The following SEMA6A variants were observed in gnomAD, a reference collection of about 807,000 sequenced individuals.
SEMA6A encodes semaphorin-6A.
Under a neutral mutation model 96.8 loss-of-function variants are expected in SEMA6A, and 25 were observed. The ratio of observed to expected loss-of-function variants is 0.26; its 90% CI spans 0.19 to 0.36. The LOEUF is 0.36. Ranked by LOEUF, SEMA6A falls within the 10% of genes least tolerant of loss-of-function variation. SEMA6A has a pLI of 1.00. For missense variants in SEMA6A, 1,363 were observed against 1,323.1 expected (o/e 1.03, Z -0.47); for synonymous variants, 612 against 518.0 (o/e 1.18, Z -2.46).
chr5:116,503,453 G>A (rs755095421), intron 2 of SEMA6A, among the ~76,000 whole-genome samples: 37 of 151,788 alleles, frequency 2.4e-4, no homozygotes, highest in Non-Finnish European at 4.6e-4. Context: ...ATGTCTCTAC[G>A]ATCATGGATT....
chr5:116,505,390 A>G (rs1362141656), intron 1 of SEMA6A, among the ~76,000 whole-genome samples: 3 of 151,998 alleles, frequency 2.0e-5, no homozygotes, highest in African/African-American at 4.8e-5. Context: ...AATACCTGCC[A>G]TACTGACCTA....
intron 1 of SEMA6A, among the ~76,000 whole-genome samples, chr5:116,569,214 G>A (rs1761118604): frequency 6.6e-6 from 1 of 152,134 alleles, no homozygotes; most frequent in African/African-American, 2.4e-5. Context: ...TAAATAAGGG[G>A]ATCAAAAGGC....
At chr5:116,491,618 T>G (rs1757328789) in intron 7 of SEMA6A, 122 bp downstream of exon 7, 9 of 723,642 alleles carry the variant, frequency 1.2e-5, no homozygotes, top group South Asian at 1.2e-4. Context: ...GCATTCTTAA[T>G]TACAGTATTC....
At chr5:116,454,064 G>A (rs769510682) in intron 18 of SEMA6A, among the ~76,000 whole-genome samples, 14 of 152,072 alleles carry the variant, frequency 9.2e-5, no homozygotes, top group Non-Finnish European at 1.6e-4. Context: ...TGGACGGCCC[G>A]TTTCTGAGCT....
At chr5:116,573,886 G>A (rs1580534440) in intron 1 of SEMA6A, among the ~76,000 whole-genome samples, 1 of 152,156 alleles carries the variant, frequency 6.6e-6, no homozygotes, top group South Asian at 2.1e-4. Flanking sequence ...ACACCCCCAG[G>A]AGGAACAGCC....
At chr5:116,502,961 TCAAA>T (rs1476079070) in intron 2 of SEMA6A, among the ~76,000 whole-genome samples, 1 of 152,208 alleles carries the variant, frequency 6.6e-6, no homozygotes. Flanking sequence ...CAGGACAGGG[TCAAA>T]CTGAGTGTAG....
chr5:116,563,823 C>A (rs939701705), intron 1 of SEMA6A, among the ~76,000 whole-genome samples: 7 of 152,168 alleles, frequency 4.6e-5, no homozygotes, highest in Non-Finnish European at 8.8e-5. Flanking sequence ...GTAAAATGAA[C>A]AGAACCTATT....
intron 1 of SEMA6A, chr5:116,508,126 T>C (rs1015113389): frequency 1.3e-5 from 2 of 152,206 alleles, no homozygotes; most frequent in Non-Finnish European, 2.9e-5. Flanking sequence ...AAATGAACCA[T>C]GCAGAATGCT....
At chr5:116,479,482 A>T (rs984965346) in intron 12 of SEMA6A, among the ~76,000 whole-genome samples, 2 of 152,258 alleles carry the variant, frequency 1.3e-5, no homozygotes, top group Non-Finnish European at 2.9e-5. Context: ...AAGTCATAGT[A>T]TAAAAATAGT....
chr5:116,485,819 C>T (rs766639344), intron 10 of SEMA6A, among the ~76,000 whole-genome samples: 1 of 152,176 alleles, frequency 6.6e-6, no homozygotes, highest in Non-Finnish European at 1.5e-5. Flanking sequence ...TTAGATTTCA[C>T]GACCATGCAC....
rs1188947898 is a variant in SEMA6A at position 116,445,937 on chromosome 5, A to C, written c.*676T>G. 1.3e-5 allele frequency: 2 copies of C among 152,674 alleles called. No homozygotes were observed. The highest frequency in any genetic ancestry group is 1.3e-4 in the Admixed American group (2 of 15,286). The allele number at this position is 152,674 out of a possible 1,614,324, so 9.5% of individuals were successfully genotyped here. A position where few individuals can be genotyped will look rare whatever the true frequency, so the allele number is the denominator to read the frequency against. On this transcript the variant is annotated 3_prime_UTR_variant, in exon 19 of 19. Transcript: ENST00000343348. Reference sequence around the variant, plus strand: ...TAAAGAGTTACTTGCGTTAACGGTCACGTTATTTCATTAAAAGAGAGGAGG... The same window carrying C: ...TAAAGAGTTACTTGCGTTAACGGTCCCGTTATTTCATTAAAAGAGAGGAGG...
At chr5:116,516,998 C>T (rs1580463713) in intron 1 of SEMA6A, among the ~76,000 whole-genome samples, 1 of 152,120 alleles carries the variant, frequency 6.6e-6, no homozygotes, top group Non-Finnish European at 1.5e-5. Flanking sequence ...TTTGCTATCC[C>T]CTGTTTCTCT....
chr5:116,446,456 A>T lies in SEMA6A; in HGVS notation c.*157T>A, dbSNP rs878932484. 11 of 588,850 alleles carry T rather than the reference A, an allele frequency of 1.9e-5. No individual in the cohort carries two copies. The South Asian group carries it at 4.4e-4, about 24-fold the overall frequency. 36.5% of individuals were successfully genotyped at this position (588,850 alleles called of 1,614,324 possible). A position where few individuals can be genotyped will look rare whatever the true frequency, so the allele number is the denominator to read the frequency against. ...CAAACCACGCGGCCCAGTTTTCGTG[A>T]GTACCCCTGTGTCCCAGAGAGGAGG... On this transcript the variant is annotated 3_prime_UTR_variant, in exon 19 of 19. Coordinates refer to ENST00000343348, the MANE Select transcript of SEMA6A (RefSeq NM_020796.5).
chr5:116,457,965 C>A (rs1344498079), intron 18 of SEMA6A, among the ~76,000 whole-genome samples: 3 of 152,112 alleles, frequency 2.0e-5, no homozygotes, highest in African/African-American at 7.2e-5. Context: ...TAGTTTGAGG[C>A]CAGTCTCAGG....
At chr5:116,531,253 A>T (rs153646) in intron 1 of SEMA6A, among the ~76,000 whole-genome samples, 149,900 of 151,650 alleles carry the variant, frequency 0.99, 74,095 homozygotes, top group South Asian at 1. Context: ...AAGTTTTTTT[A>T]AAAAATGCAA....
At chr5:116,529,745 A>C (rs1759379897) in intron 1 of SEMA6A, among the ~76,000 whole-genome samples, 1 of 152,162 alleles carries the variant, frequency 6.6e-6, no homozygotes, top group African/African-American at 2.4e-5. Flanking sequence ...CAGGAACAGA[A>C]AACCAAATAC....
chr5:116,475,727 G>C (rs893592516), intron 15 of SEMA6A, 124 bp from the exon 16 acceptor site: 1 of 607,864 alleles, frequency 1.6e-6, no homozygotes, highest in Non-Finnish European at 2.9e-6. Flanking sequence ...GTGCAAAAAA[G>C]AAATACATAA....
In SEMA6A at chr5:116,480,294, G is replaced by A; in HGVS notation, c.1095-17C>T. ...CAACCTGGCCTAAAATGAAACAAAG[G>A]GTGAGGAAGGAGGGAGCTTATTTTC... On this transcript the variant is annotated splice_polypyrimidine_tract_variant and intron_variant, in intron 11 of 18. Transcript: ENST00000343348. The A allele has an allele frequency of 1.9e-6, 3 of 1,612,918 alleles. No homozygotes were observed. The East Asian group carries it at 6.7e-5, about 36-fold the overall frequency.
intron 1 of SEMA6A, among the ~76,000 whole-genome samples, chr5:116,523,714 A>G (rs1325926131): frequency 6.6e-6 from 1 of 152,200 alleles, no homozygotes; most frequent in African/African-American, 2.4e-5. Context: ...AGAGAGCTTC[A>G]AAAATTAAAG....
Sources: gnomAD v4.1 joint callset for allele counts (sites outside exome capture counted in the v4.1 genomes callset) on GRCh38, gnomAD v4.1.1 for gene constraint, MANE v1.5 for transcripts, NCBI Gene and HGNC (gene_info 2026-07-23, HGNC 2026-07-21) for gene names.